Variants in PRKAR1A observed in about 807,000 individuals in gnomAD.
The protein encoded by PRKAR1A is protein kinase cAMP-dependent type I regulatory subunit alpha.
PRKAR1A carries 3 observed loss-of-function variants against 52.0 expected under a neutral mutation model. That is an observed-to-expected ratio of 0.06 (90% confidence interval 0.03 to 0.15). The LOEUF is 0.15. PRKAR1A is among the 10% of genes least tolerant of loss of function. The pLI is 1.00. For missense variants in PRKAR1A, 240 were observed against 477.4 expected (o/e 0.50, Z 4.63); for synonymous variants, 188 against 168.4 (o/e 1.12, Z -0.90).
chr17:68,451,090 C>A, the PRKAR1A span, among the ~76,000 whole-genome samples: 1 of 152,350 alleles, frequency 6.6e-6, no homozygotes, highest in Middle Eastern at 3.4e-3. Context: ...TTTTTACCCT[C>A]TCCCAGGGAG....
the PRKAR1A span, chr17:68,435,600 G>A: frequency 2.5e-6 from 4 of 1,612,150 alleles, no homozygotes; most frequent in Non-Finnish European, 1.7e-6. Flanking sequence ...AGACAGAGGT[G>A]TTGGTGGGAG....
intron 2 of PRKAR1A, among the ~76,000 whole-genome samples, chr17:68,519,834 AAG>A (rs1430226795): frequency 7.9e-5 from 12 of 152,356 alleles, no homozygotes; most frequent in African/African-American, 2.9e-4. Context: ...GTACTGTGTG[AAG>A]CACTTTATAT....
At chr17:68,527,818 CT>C (rs1568700352) in intron 7 of PRKAR1A, 21 bp from the exon 8 acceptor site, 1 of 1,585,844 alleles carries the variant, frequency 6.3e-7, no homozygotes, top group Non-Finnish European at 8.7e-7. Context: ...GGGGATATCA[CT>C]TTTGTTATTT....
chr17:68,467,936 C>A, the PRKAR1A span, among the ~76,000 whole-genome samples: 1 of 151,986 alleles, frequency 6.6e-6, no homozygotes, highest in Admixed American at 6.6e-5. Flanking sequence ...GCTCTGTCAC[C>A]CAGGCTGGAG....
the PRKAR1A span, among the ~76,000 whole-genome samples, chr17:68,477,912 G>C: frequency 6.6e-6 from 1 of 151,976 alleles, no homozygotes; most frequent in Non-Finnish European, 1.5e-5. Context: ...TAGGAGAGAC[G>C]GGGTTTCACC....
the PRKAR1A span, among the ~76,000 whole-genome samples, chr17:68,495,514 T>G: frequency 6.6e-6 from 1 of 152,236 alleles, no homozygotes; most frequent in East Asian, 1.9e-4. Flanking sequence ...AAATTCTTGT[T>G]GAGCTTTCAA....
At chr17:68,521,895 A>G (rs1384396143) in intron 2 of PRKAR1A, among the ~76,000 whole-genome samples, 2 of 152,222 alleles carry the variant, frequency 1.3e-5, no homozygotes, top group Non-Finnish European at 2.9e-5. Context: ...CACAACAACT[A>G]ATTCTTTAGA....
At chr17:68,487,177 T>C in the PRKAR1A span, among the ~76,000 whole-genome samples, 2 of 152,170 alleles carry the variant, frequency 1.3e-5, no homozygotes, top group African/African-American at 2.4e-5. Flanking sequence ...CGGCCTGTTA[T>C]GTGAATTTAA....
the PRKAR1A span, among the ~76,000 whole-genome samples, chr17:68,429,639 A>G: frequency 6.6e-6 from 1 of 152,034 alleles, no homozygotes; most frequent in Non-Finnish European, 1.5e-5. Flanking sequence ...CCCAGGCTGG[A>G]GTGCAGTGGC....
Position 68,528,864 on chromosome 17 carries a change from T to C in PRKAR1A, c.770-6T>C. Reference sequence around the variant, plus strand: ...CAGAGCAGTTATTTTGATTCTTGTCTTTCAGAGTCTCTGGACAAGTGGGAA... The same window carrying C: ...CAGAGCAGTTATTTTGATTCTTGTCCTTCAGAGTCTCTGGACAAGTGGGAA... On this transcript the variant is annotated splice_region_variant and splice_polypyrimidine_tract_variant and intron_variant, in intron 8 of 10. Coordinates refer to ENST00000589228, the MANE Select transcript of PRKAR1A (RefSeq NM_002734.5). 1 of 1,613,806 alleles carries C rather than the reference T, an allele frequency of 6.2e-7. No individual in the cohort carries two copies. The highest frequency in any genetic ancestry group is 1.3e-5 in the African/African-American group (1 of 75,040).
intron 11 of PRKAR1A, among the ~76,000 whole-genome samples, chr17:68,550,670 C>T (rs921169282): frequency 6.6e-5 from 10 of 152,192 alleles, no homozygotes; most frequent in South Asian, 6.2e-4. Flanking sequence ...TGTGAGCCAT[C>T]GTGCCCAGCA....
At chr17:68,443,767 C>A in the PRKAR1A span, among the ~76,000 whole-genome samples, 1 of 152,126 alleles carries the variant, frequency 6.6e-6, no homozygotes, top group Non-Finnish European at 1.5e-5. Context: ...TTCAATGATA[C>A]CAAACTGAAA....
rs2086002376 is a variant in PRKAR1A at position 68,532,457 on chromosome 17, G to T, written c.*2008G>T. 1 of 1,060,786 alleles carries T rather than the reference G, an allele frequency of 9.4e-7. No individual in the cohort carries two copies. The highest frequency in any genetic ancestry group is 1.1e-6 in the Non-Finnish European group (1 of 875,110). 65.7% of individuals were successfully genotyped at this position (1,060,786 alleles called of 1,614,324 possible). On this transcript the variant is annotated 3_prime_UTR_variant, in exon 11 of 11. Transcript: ENST00000589228. Reference sequence around the variant, plus strand: ...GTAGTTTTTAATTAAAAACTTTAAAGATAAGTCTACATTAAACAATGATCA... The same window carrying T: ...GTAGTTTTTAATTAAAAACTTTAAATATAAGTCTACATTAAACAATGATCA...
the PRKAR1A span, chr17:68,426,245 G>T: frequency 2.1e-6 from 2 of 948,134 alleles, no homozygotes; most frequent in African/African-American, 1.6e-5. Context: ...TGGCGGGTGG[G>T]GAGCGGGGGC....
chr17:68,511,336 G>A (rs2085261377), upstream of PRKAR1A, among the ~76,000 whole-genome samples: 1 of 152,118 alleles, frequency 6.6e-6, no homozygotes, highest in South Asian at 2.1e-4. Context: ...CAGACTTGAT[G>A]TGTCTAAAAT....
chr17:68,476,197 G>A, the PRKAR1A span, among the ~76,000 whole-genome samples: 1 of 151,866 alleles, frequency 6.6e-6, no homozygotes, highest in Non-Finnish European at 1.5e-5. Flanking sequence ...ACATTATATT[G>A]TTCAAAGCTT....
exon 12 of PRKAR1A, chr17:68,551,162 G>C (rs1433500276): frequency 8.2e-7 from 1 of 1,225,926 alleles, no homozygotes; most frequent in Non-Finnish European, 1.0e-6. Flanking sequence ...CTAACCTGTG[G>C]GCTGCAGATC....
chr17:68,437,739 G>A, the PRKAR1A span, among the ~76,000 whole-genome samples: 5 of 151,996 alleles, frequency 3.3e-5, no homozygotes, highest in South Asian at 2.1e-4. Flanking sequence ...ATAATATTCC[G>A]GAAGAGTAAA....
chr17:68,415,487 G>A, the PRKAR1A span, among the ~76,000 whole-genome samples: 1 of 152,142 alleles, frequency 6.6e-6, no homozygotes, highest in African/African-American at 2.4e-5. Flanking sequence ...AATAGAATGT[G>A]TATTCTGCAG....
Sources: allele counts gnomAD v4.1 joint callset (sites outside exome capture counted in the v4.1 genomes callset), GRCh38; gene constraint gnomAD v4.1.1; transcripts MANE v1.5; gene names NCBI Gene and HGNC (gene_info 2026-07-23, HGNC 2026-07-21).